The following CCDC77 variants were observed in gnomAD, a reference collection of about 807,000 sequenced individuals.
CCDC77 encodes the protein coiled-coil domain containing 77, also known as coiled-coil domain-containing protein 77.
In CCDC77, 56 loss-of-function variants were observed where a neutral mutation model predicts 66.8. The ratio of observed to expected loss-of-function variants is 0.84; its 90% CI spans 0.68 to 1.05. The LOEUF (loss-of-function observed/expected upper bound fraction) is 1.05. CCDC77 is among the 50% of genes least tolerant of loss of function. The probability of loss-of-function intolerance (pLI) is 0.00; values close to 1 mark genes in which losing one functional copy is unlikely to be tolerated. For synonymous variants in CCDC77, 196 were observed against 195.2 expected (o/e 1.00, Z -0.03); for missense variants, 570 against 576.8 (o/e 0.99, Z 0.12).
chr12:424,016 T>C (rs535853036), intron 5 of CCDC77, among the ~76,000 whole-genome samples: 7 of 152,302 alleles, frequency 4.6e-5, no homozygotes, highest in African/African-American at 1.7e-4. Context: ...TCTTGCTCTG[T>C]CGCCCAGGCA....
chr12:402,867 G>A (rs1944923401), intron 1 of CCDC77, among the ~76,000 whole-genome samples: 1 of 152,192 alleles, frequency 6.6e-6, no homozygotes, highest in Non-Finnish European at 1.5e-5. Context: ...ATGAATTTAA[G>A]TTGCCAACTC....
chr12:403,749 C>G (rs1944940441), intron 1 of CCDC77, among the ~76,000 whole-genome samples: 1 of 152,210 alleles, frequency 6.6e-6, no homozygotes, highest in African/African-American at 2.4e-5. Flanking sequence ...ACCTTGGCCT[C>G]CCAAAGTGCT....
At chr12:403,985 C>T (rs541541552) in intron 1 of CCDC77, among the ~76,000 whole-genome samples, 3 of 152,304 alleles carry the variant, frequency 2.0e-5, no homozygotes, top group African/African-American at 7.2e-5. Flanking sequence ...CATGGCCTGG[C>T]CATGCCAAGG....
intron 9 of CCDC77, among the ~76,000 whole-genome samples, chr12:436,168 A>AGTG (rs371579655): frequency 0.011 from 1,399 of 131,012 alleles, 23 homozygotes; most frequent in African/African-American, 0.038. Context: ...TCCAGGCTGG[A>AGTG]GTGCAGTGGC....
chr12:389,569 C>CGGGGAGAG (rs60326746), intron 1 of CCDC77: 3 of 239,740 alleles, frequency 1.3e-5, no homozygotes, highest in East Asian at 1.4e-4. Flanking sequence ...CGGGGCGAGG[C>CGGGGAGAG]GCAACGAGGC....
intron 3 of CCDC77, 109 bp from the exon 4 acceptor site, chr12:411,638 A>T: frequency 3.4e-6 from 3 of 895,108 alleles, no homozygotes; most frequent in Non-Finnish European, 5.0e-6. Flanking sequence ...ATTTATGAGC[A>T]CCTTAATTAT....
Position 433,258 on chromosome 12 carries a change from CACCTTGAGGAAATACA to C in CCDC77, c.759_774del (p.His253GlnfsTer14), listed in dbSNP as rs1193508867. The C allele has an allele frequency of 1.2e-6, 2 of 1,613,892 alleles. No homozygotes were observed. The highest frequency in any genetic ancestry group is 3.3e-5 in the Admixed American group (2 of 59,964). Reference sequence around the variant, plus strand: ...AGGGCTCATCGAGGACAGACGGATTCACCTTGAGGAAATACAAGTTCAGCACCAGAGAAATCAGAAC... The same window carrying C: ...AGGGCTCATCGAGGACAGACGGATTCAGTTCAGCACCAGAGAAATCAGAAC... On this transcript the variant is annotated frameshift_variant, in exon 9 of 13. Transcript: ENST00000239830. LOFTEE classifies it high-confidence loss of function.
intron 5 of CCDC77, among the ~76,000 whole-genome samples, chr12:420,273 AT>A (rs11346348): frequency 6.4e-4 from 8 of 12,534 alleles, no homozygotes; most frequent in Non-Finnish European, 7.8e-4. Flanking sequence ...GAGAGGGTAA[AT>A]ACACACATAG....
At chr12:416,329 CTGTGGGTGTGTGGGGGTGTG>C (rs1565568870) in intron 4 of CCDC77, among the ~76,000 whole-genome samples, 2 of 32,208 alleles carry the variant, frequency 6.2e-5, no homozygotes, top group Admixed American at 5.2e-4. Flanking sequence ...GTGTGTGAGT[CTGTGGGTGTGTGGGGGTGTG>C]TGTGTGTGTG....
intron 5 of CCDC77, among the ~76,000 whole-genome samples, chr12:427,268 C>CG (rs1362129488): frequency 2.0e-5 from 3 of 151,084 alleles, no homozygotes; most frequent in Admixed American, 6.6e-5. Context: ...AAAACGGACT[C>CG]GGGCCTGAAA....
Position 411,811 on chromosome 12 carries a change from G to A in CCDC77, c.103G>A (p.Asp35Asn). Residue 35 changes from aspartate to asparagine, a missense_variant, in exon 4 of 13, where the codon GAT (aspartate) becomes AAT (asparagine). Coordinates refer to ENST00000239830, the MANE Select transcript of CCDC77 (RefSeq NM_032358.4). ...SGPTKRRGMA[D>N]SLESTPLPSP... Reference sequence around the variant, plus strand: ...TCCCACCAAGAGGAGGGGAATGGCAGATTCACTGGAGTCAACCCCCTTGCC... The same window carrying A: ...TCCCACCAAGAGGAGGGGAATGGCAAATTCACTGGAGTCAACCCCCTTGCC... 6.2e-7 allele frequency: 1 copy of A among 1,614,158 alleles called. No homozygotes were observed. The highest frequency in any genetic ancestry group is 1.1e-5 in the South Asian group (1 of 91,076).
intron 2 of CCDC77, among the ~76,000 whole-genome samples, chr12:407,898 C>T (rs927277665): frequency 1.3e-5 from 2 of 149,490 alleles, no homozygotes; most frequent in African/African-American, 2.5e-5. Flanking sequence ...CGCCACTCTC[C>T]TGCCTCAGCC....
rs1219185983 is a variant in CCDC77 at position 430,715 on chromosome 12, G to C, written c.562G>C (p.Glu188Gln). 6.2e-7 allele frequency: 1 copy of C among 1,613,566 alleles called. No individual in the cohort carries two copies. Among genetic ancestry groups the C allele is most frequent in the Non-Finnish European group, 8.5e-7 (1 of 1,179,452 alleles). Residue 188 changes from glutamate to glutamine, a missense_variant, in exon 7 of 13, where the codon GAA (glutamate) becomes CAA (glutamine). Coordinates refer to ENST00000239830, the MANE Select transcript of CCDC77 (RefSeq NM_032358.4). ...GGCTGTAGGTGAATGTGAGCAGAGTGAATCTTCAGCTTTCAAAGCAGGTAA... is the reference window on the plus strand; with the variant it reads ...GGCTGTAGGTGAATGTGAGCAGAGTCAATCTTCAGCTTTCAAAGCAGGTAA... ...IQAVGECEQS[E>Q]SSAFKADPKI... is the part of the protein sequence containing the mutation.
intron 2 of CCDC77, among the ~76,000 whole-genome samples, chr12:408,614 T>C (rs1055635382): frequency 6.6e-6 from 1 of 152,050 alleles, no homozygotes; most frequent in African/African-American, 2.4e-5. Flanking sequence ...GGATCCTCCC[T>C]CCTCAGCCTC....
intron 7 of CCDC77, among the ~76,000 whole-genome samples, chr12:431,080 A>C (rs1207070653): frequency 6.6e-6 from 1 of 151,580 alleles, no homozygotes; most frequent in Non-Finnish European, 1.5e-5. Context: ...AAAAAAAAAA[A>C]AAAAACAGAA....
intron 9 of CCDC77, among the ~76,000 whole-genome samples, chr12:435,192 C>T (rs1375277010): frequency 6.8e-6 from 1 of 147,774 alleles, no homozygotes; most frequent in Non-Finnish European, 1.5e-5. Flanking sequence ...CGTCTCAAGC[C>T]TACTTCTTTC....
chr12:434,353 C>CT (rs537288173), intron 9 of CCDC77, among the ~76,000 whole-genome samples: 2,845 of 137,240 alleles, frequency 0.021, 84 homozygotes, highest in African/African-American at 0.053. Context: ...ACTTTTCTTT[C>CT]TTTTTTTTTT....
chr12:433,483 C>A, intron 9 of CCDC77, 161 bp downstream of exon 9: 1 of 1,404,702 alleles, frequency 7.1e-7, no homozygotes. Flanking sequence ...GTGAGTACCT[C>A]GCTTTTCCAG....
chr12:434,188 C>G (rs983916332), intron 9 of CCDC77, among the ~76,000 whole-genome samples: 1 of 151,786 alleles, frequency 6.6e-6, no homozygotes, highest in Non-Finnish European at 1.5e-5. Context: ...TTTTTAAAAT[C>G]TGAAAAAATA....
Sources: gnomAD v4.1 joint callset for allele counts (sites outside exome capture counted in the v4.1 genomes callset) on GRCh38, gnomAD v4.1.1 for gene constraint, MANE v1.5 for transcripts, NCBI Gene and HGNC (gene_info 2026-07-23, HGNC 2026-07-21) for gene names.